KIAA1328: variants seen among roughly 807,000 people sequenced by gnomAD.
The protein encoded by KIAA1328 is protein hinderin.
Under a neutral mutation model 68.1 loss-of-function variants are expected in KIAA1328, and 52 were observed. That is an observed-to-expected ratio of 0.76 (90% CI 0.61 to 0.96). KIAA1328 has a LOEUF of 0.96. KIAA1328 is among the 40% of genes least tolerant of loss of function. The pLI is 0.00. For synonymous variants in KIAA1328, 232 were observed against 239.4 expected (o/e 0.97, Z 0.28); for missense variants, 641 against 677.6 (o/e 0.95, Z 0.60).
chr18:36,860,926 G>A (rs923959280), intron 4 of KIAA1328, among the ~76,000 whole-genome samples: 3 of 152,060 alleles, frequency 2.0e-5, no homozygotes, highest in Admixed American at 6.5e-5. Context: ...TTAAAAAATA[G>A]TACAGAGGGT....
chr18:36,935,804 A>G (rs908360516), intron 5 of KIAA1328, among the ~76,000 whole-genome samples: 2 of 152,134 alleles, frequency 1.3e-5, no homozygotes, highest in Non-Finnish European at 2.9e-5. Flanking sequence ...AACTTGAAAG[A>G]ACAAAGGTCA....
rs544986091 is a variant in KIAA1328, at chr18:36,876,767, T to C, written c.333-8790T>C. The stretch of plus-strand genomic sequence containing the variant: ...TCTCTAGTTCTTTTAATTGTGATGT[T>C]AAGATGTCAATTTTAGATCTTTCCC... On this transcript the variant is annotated intron_variant, in intron 4 of 9. Transcript: ENST00000280020. Among the ~76,000 whole-genome samples the C allele has an allele frequency of 2.3e-3, 343 of 152,328 alleles. 2 individuals carry two copies. Among genetic ancestry groups the C allele is most frequent in the African/African-American group, 8.1e-3 (335 of 41,576 alleles).
intron 7 of KIAA1328, among the ~76,000 whole-genome samples, chr18:37,072,522 T>C (rs952214924): frequency 8.5e-5 from 13 of 152,344 alleles, no homozygotes; most frequent in South Asian, 2.1e-4. Flanking sequence ...TATAGTTTTA[T>C]GTCTTTTGCC....
chr18:36,990,505 T>A (rs1393705881), intron 6 of KIAA1328, among the ~76,000 whole-genome samples: 1 of 151,822 alleles, frequency 6.6e-6, no homozygotes, highest in Non-Finnish European at 1.5e-5. Context: ...TGAAACTCCA[T>A]CTCTCCTAAA....
At chr18:37,002,024 GAA>G (rs1240772579) in intron 6 of KIAA1328, among the ~76,000 whole-genome samples, 1 of 152,000 alleles carries the variant, frequency 6.6e-6, no homozygotes, top group Non-Finnish European at 1.5e-5. Flanking sequence ...ACAAGAGAAA[GAA>G]ATAAAAGGCA....
At chr18:36,862,289 C>T (rs916142710) in intron 4 of KIAA1328, among the ~76,000 whole-genome samples, 2 of 151,486 alleles carry the variant, frequency 1.3e-5, no homozygotes, top group Admixed American at 6.6e-5. Context: ...GTACCATTGC[C>T]ATAGTCAAGA....
At chr18:36,922,059 A>C (rs961699641) in intron 5 of KIAA1328, among the ~76,000 whole-genome samples, 2 of 151,306 alleles carry the variant, frequency 1.3e-5, no homozygotes, top group African/African-American at 2.4e-5. Context: ...TCCAGAGAAT[A>C]CTTTTTTTTT....
intron 9 of KIAA1328, among the ~76,000 whole-genome samples, chr18:37,193,052 A>C (rs1426874375): frequency 6.6e-6 from 1 of 152,196 alleles, no homozygotes; most frequent in East Asian, 1.9e-4. Flanking sequence ...GCACAGTGAT[A>C]GTCTTTCACC....
At chr18:36,842,621 A>C (rs2046895430) in intron 3 of KIAA1328, among the ~76,000 whole-genome samples, 1 of 152,058 alleles carries the variant, frequency 6.6e-6, no homozygotes, top group African/African-American at 2.4e-5. Context: ...TAGTTAATAG[A>C]CATTTGCCTT....
intron 5 of KIAA1328, among the ~76,000 whole-genome samples, chr18:36,944,442 G>T (rs1422450263): frequency 2.0e-5 from 3 of 152,136 alleles, no homozygotes; most frequent in African/African-American, 7.2e-5. Flanking sequence ...AGCCAGGCAT[G>T]GTGGCGGGCG....
intron 7 of KIAA1328, among the ~76,000 whole-genome samples, chr18:37,128,136 T>G (rs1486348486): frequency 1.3e-5 from 2 of 152,180 alleles, no homozygotes; most frequent in Non-Finnish European, 2.9e-5. Context: ...TAAAAATCTT[T>G]GTGACCTTGG....
intron 9 of KIAA1328, among the ~76,000 whole-genome samples, chr18:37,210,389 C>G (rs1388784598): frequency 6.6e-6 from 1 of 152,170 alleles, no homozygotes; most frequent in Non-Finnish European, 1.5e-5. Context: ...ATCAGATAAG[C>G]CTTTTGTTTA....
intron 6 of KIAA1328, among the ~76,000 whole-genome samples, chr18:37,061,971 T>C (rs765087234): frequency 2.0e-5 from 3 of 152,220 alleles, no homozygotes; most frequent in Non-Finnish European, 4.4e-5. Context: ...AGAAGAATCA[T>C]ACTAATAATA....
In KIAA1328 at chr18:37,224,724, T is replaced by G. The variant is rs933393310; in HGVS notation, c.*2497T>G. On this transcript the variant is annotated 3_prime_UTR_variant, in exon 10 of 10. Transcript: ENST00000280020. ...TTCCTCCGTCTCAAGTCTCCCACCC[T>G]TGACTGGTTGGGATTTGCTCGTCCA... The G allele has an allele frequency of 1.0e-6, 1 of 985,444 alleles. No individual in the cohort carries two copies. The highest frequency in any genetic ancestry group is 1.7e-5 in the African/African-American group (1 of 57,370). 61.0% of individuals were successfully genotyped at this position (985,444 alleles called of 1,614,324 possible).
intron 7 of KIAA1328, among the ~76,000 whole-genome samples, chr18:37,086,489 G>C (rs969188664): frequency 6.6e-6 from 1 of 152,006 alleles, no homozygotes; most frequent in Non-Finnish European, 1.5e-5. Flanking sequence ...TATCATCCTG[G>C]AAATTTTCTC....
intron 4 of KIAA1328, among the ~76,000 whole-genome samples, chr18:36,878,234 C>G (rs565827885): frequency 2.0e-5 from 3 of 152,092 alleles, no homozygotes; most frequent in African/African-American, 7.2e-5. Context: ...GACAAAATCT[C>G]TCAGGGTTTG....
At chr18:37,064,590 C>T (rs1245740686) in intron 6 of KIAA1328, among the ~76,000 whole-genome samples, 1 of 138,420 alleles carries the variant, frequency 7.2e-6, no homozygotes, top group Admixed American at 7.5e-5. Flanking sequence ...CGTTATGTGT[C>T]ACAAGGGACT....
At chr18:37,100,021 C>G (rs892933505) in intron 7 of KIAA1328, among the ~76,000 whole-genome samples, 1 of 152,160 alleles carries the variant, frequency 6.6e-6, no homozygotes, top group Non-Finnish European at 1.5e-5. Context: ...GGTCTTGACT[C>G]TTTATCCAAT....
intron 3 of KIAA1328, among the ~76,000 whole-genome samples, chr18:36,840,775 A>C (rs2046834478): frequency 6.6e-6 from 1 of 151,980 alleles, no homozygotes; most frequent in Non-Finnish European, 1.5e-5. Flanking sequence ...TTCTCTGTGT[A>C]GTCTTTGTTG....
Sources: allele counts gnomAD v4.1 joint callset (sites outside exome capture counted in the v4.1 genomes callset), GRCh38; gene constraint gnomAD v4.1.1; transcripts MANE v1.5; gene names NCBI Gene and HGNC (gene_info 2026-07-23, HGNC 2026-07-21).